The following POLR1C variants were observed in gnomAD, a reference collection of about 807,000 sequenced individuals.
POLR1C encodes DNA-directed RNA polymerases I and III subunit RPAC1.
A neutral mutation model predicts 38.3 loss-of-function variants in POLR1C; 42 were observed. The ratio of observed to expected loss-of-function variants is 1.10; its 90% CI spans 0.86 to 1.42. The LOEUF (loss-of-function observed/expected upper bound fraction) is 1.42, where lower values mean the gene tolerates loss of function less well. Among genes scored for constraint, POLR1C ranks in the 40% most tolerant of loss-of-function variants. The probability of loss-of-function intolerance (pLI) is 0.00; values close to 1 mark genes in which losing one functional copy is unlikely to be tolerated. For missense variants in POLR1C, 507 were observed against 450.5 expected (o/e 1.13, Z -1.14); for synonymous variants, 163 against 163.9 (o/e 0.99, Z 0.04).
chr6:43,540,531 T>G (rs1794636599), intron 9 of POLR1C, among the ~76,000 whole-genome samples: 2 of 152,154 alleles, frequency 1.3e-5, no homozygotes, highest in Admixed American at 6.5e-5. Context: ...CACACACCTG[T>G]AATCCCAGCT....
At chr6:43,541,646 C>T (rs569132386) in intron 9 of POLR1C, among the ~76,000 whole-genome samples, 2 of 150,134 alleles carry the variant, frequency 1.3e-5, no homozygotes, top group South Asian at 4.2e-4. Flanking sequence ...CTAGATATTT[C>T]ATAAAAATGA....
intron 10 of POLR1C, among the ~76,000 whole-genome samples, chr6:43,552,171 C>T (rs112388870): frequency 0.033 from 4,976 of 152,190 alleles, 265 homozygotes; most frequent in African/African-American, 0.11. Flanking sequence ...GATTCTCCTG[C>T]CTCAGCCTCC....
chr6:43,549,419 A>G, intron 9 of POLR1C: 1 of 1,444,674 alleles, frequency 6.9e-7, no homozygotes, highest in Admixed American at 2.3e-5. Context: ...TATGTGAGGT[A>G]CACTGAAAGC....
At chr6:43,524,414 C>T, downstream of POLR1C, 1 of 1,574,378 alleles carries the variant, frequency 6.4e-7, no homozygotes, top group East Asian at 2.2e-5. Context: ...TTATGGTTTG[C>T]CCATACACAT....
chr6:43,528,708 C>T, intron 8 of POLR1C: 1 of 956,808 alleles, frequency 1.0e-6, no homozygotes, highest in Non-Finnish European at 1.6e-6. Context: ...AGAAGCTCTG[C>T]CCAGCCAGTC....
chr6:43,527,615 GT>G (rs1793682943), intron 8 of POLR1C: 1 of 1,613,344 alleles, frequency 6.2e-7, no homozygotes, highest in East Asian at 2.2e-5. Flanking sequence ...TATAGCCCCA[GT>G]TTCGACATGC....
intron 10 of POLR1C, among the ~76,000 whole-genome samples, chr6:43,556,418 G>T (rs995772023): frequency 6.6e-6 from 1 of 151,872 alleles, no homozygotes; most frequent in Non-Finnish European, 1.5e-5. Context: ...CCAGTAACTT[G>T]GGAGAGTGAG....
downstream of POLR1C, chr6:43,534,096 T>C (rs7767973): frequency 0.095 from 91,250 of 960,600 alleles, 10,643 homozygotes; most frequent in African/African-American, 0.52. Context: ...TACTACAGTT[T>C]CACACAGATC....
chr6:43,554,556 C>G, intron 10 of POLR1C, among the ~76,000 whole-genome samples: 1 of 151,792 alleles, frequency 6.6e-6, no homozygotes, highest in East Asian at 1.9e-4. Context: ...TCCTGAGTAG[C>G]TAGGATTAAA....
intron 10 of POLR1C, chr6:43,561,026 A>AT: frequency 6.3e-7 from 1 of 1,592,112 alleles, no homozygotes; most frequent in Non-Finnish European, 8.6e-7. Flanking sequence ...GAAGACCACT[A>AT]TATTAACGGT....
chr6:43,520,542 C>A, intron 6 of POLR1C, 83 bp from the exon 7 acceptor site: 2 of 1,603,052 alleles, frequency 1.2e-6, no homozygotes, highest in Non-Finnish European at 1.7e-6. Context: ...GAGGGTTGTG[C>A]TTTTGCTGTT....
intron 2 of POLR1C, among the ~76,000 whole-genome samples, chr6:43,518,497 T>C (rs1792961810): frequency 6.6e-6 from 1 of 152,032 alleles, no homozygotes; most frequent in Non-Finnish European, 1.5e-5. Flanking sequence ...TGAAATGAGA[T>C]CAGAAGTGAG....
chr6:43,537,936 C>T (rs1096642), intron 9 of POLR1C, among the ~76,000 whole-genome samples: 5 of 150,632 alleles, frequency 3.3e-5, no homozygotes, highest in South Asian at 4.4e-4. Flanking sequence ...GGCGTGGTGG[C>T]GCACACCTGT....
In POLR1C at chr6:43,518,776, C is replaced by T. The variant is rs373282166; in HGVS notation, c.142-557C>T. Among the ~76,000 whole-genome samples the T allele has an allele frequency of 2.4e-4, 37 of 152,274 alleles. No individual in the cohort carries two copies. The South Asian group carries it at 6.8e-3, about 28-fold the overall frequency. The stretch of plus-strand genomic sequence containing the variant: ...TTGGCTCACTGCAACCTCCGCCTCC[C>T]GGGTTCAAGCAGTTCTGCCTCAGCC... On this transcript the variant is annotated intron_variant, in intron 2 of 8. Transcript: ENST00000642195.
At chr6:43,535,148 C>T (rs1187390972) in intron 9 of POLR1C, among the ~76,000 whole-genome samples, 2 of 150,684 alleles carry the variant, frequency 1.3e-5, no homozygotes, top group South Asian at 2.1e-4. Context: ...AAAAATTAGC[C>T]GGACGTGGTG....
downstream of POLR1C, chr6:43,525,968 G>A (rs767244297): frequency 9.4e-6 from 15 of 1,597,720 alleles, no homozygotes; most frequent in Non-Finnish European, 1.0e-5. Flanking sequence ...TCAGAACAGA[G>A]AAGAATATCT....
intron 9 of POLR1C, chr6:43,547,251 G>A (rs1297937444): frequency 5.3e-6 from 2 of 377,416 alleles, no homozygotes; most frequent in African/African-American, 4.2e-5. Context: ...AAAAATCTCA[G>A]GTTTGCAAGT....
At chr6:43,552,299 C>G (rs1490796873) in intron 10 of POLR1C, among the ~76,000 whole-genome samples, 2 of 152,092 alleles carry the variant, frequency 1.3e-5, no homozygotes, top group Non-Finnish European at 2.9e-5. Flanking sequence ...CTCAGGTGAT[C>G]CACCCACCTT....
Position 43,549,650 on chromosome 6 carries a change from A to AAT in POLR1C, c.*5-1315_*5-1314dup. 5 of 1,522,474 alleles carry AAT rather than the reference A, an allele frequency of 3.3e-6. No homozygotes were observed. The South Asian group carries it at 4.9e-5, about 15-fold the overall frequency. The allele number at this position is 1,522,474 out of a possible 1,614,324, so 94.3% of individuals were successfully genotyped here. ...TACAGGTGCTGCATAGACTCATGTG[A>AAT]ATATCTCAGTCAGGGGCAAATTCAC... On this transcript the variant is annotated intron_variant, in intron 9 of 10. Transcript: ENST00000607635.
Sources: gnomAD v4.1 joint callset for allele counts (sites outside exome capture counted in the v4.1 genomes callset) on GRCh38, gnomAD v4.1.1 for gene constraint, MANE v1.5 for transcripts, NCBI Gene and HGNC (gene_info 2026-07-23, HGNC 2026-07-21) for gene names.